PPM1B: variants seen among roughly 807,000 people sequenced by gnomAD.
The protein encoded by PPM1B is protein phosphatase 1B.
A neutral mutation model predicts 43.0 loss-of-function variants in PPM1B; 22 were observed. That is an observed-to-expected ratio of 0.51 (90% CI 0.37 to 0.73). The LOEUF is 0.73. PPM1B is among the 30% of genes least tolerant of loss of function. The pLI is 0.00. For synonymous variants in PPM1B, 217 were observed against 197.9 expected, an observed-to-expected ratio of 1.10 and a Z score of -0.81; for missense variants, 632 against 584.2, an observed-to-expected ratio of 1.08 and a Z score of -0.84.
At chr2:44,176,191 T>G (rs954902754) in intron 1 of PPM1B, among the ~76,000 whole-genome samples, 6 of 152,150 alleles carry the variant, frequency 3.9e-5, no homozygotes, top group Non-Finnish European at 7.4e-5. Context: ...TGTACATCCT[T>G]GGATAGATGA....
At chr2:44,205,352 T>TGG (rs1553333037) in intron 2 of PPM1B, among the ~76,000 whole-genome samples, 1 of 143,206 alleles carries the variant, frequency 7.0e-6, no homozygotes, top group African/African-American at 2.6e-5. Flanking sequence ...GGTGTGGGTG[T>TGG]GGGTGTGTGT....
chr2:44,199,644 A>G (rs1286583869), intron 1 of PPM1B, among the ~76,000 whole-genome samples: 1 of 152,236 alleles, frequency 6.6e-6, no homozygotes, highest in African/African-American at 2.4e-5. Context: ...CAGAGAATTA[A>G]ACCAGCATGT....
intron 1 of PPM1B, among the ~76,000 whole-genome samples, chr2:44,187,675 A>G (rs1307873623): frequency 1.3e-5 from 2 of 152,072 alleles, no homozygotes; most frequent in African/African-American, 4.8e-5. Context: ...TGTTTCTTTG[A>G]TAATTTCATT....
chr2:44,173,033 G>C (rs1175913225), intron 1 of PPM1B, among the ~76,000 whole-genome samples: 1 of 152,218 alleles, frequency 6.6e-6, no homozygotes, highest in Non-Finnish European at 1.5e-5. Flanking sequence ...TAACAAGCGT[G>C]GCCAGGCGTG....
downstream of PPM1B, among the ~76,000 whole-genome samples, chr2:44,245,343 C>T (rs922948217): frequency 2.0e-5 from 3 of 152,130 alleles, no homozygotes; most frequent in Non-Finnish European, 1.5e-5. Context: ...CTTTCAGCAG[C>T]CTCTAGTGTG....
chr2:44,189,948 T>TA (rs373602117), intron 1 of PPM1B, among the ~76,000 whole-genome samples: 24 of 152,326 alleles, frequency 1.6e-4, no homozygotes, highest in African/African-American at 5.8e-4. Flanking sequence ...TGGGAGGGAT[T>TA]AGAGATAAAT....
intron 1 of PPM1B, among the ~76,000 whole-genome samples, chr2:44,191,733 G>A (rs919690688): frequency 3.3e-5 from 5 of 152,020 alleles, no homozygotes; most frequent in Admixed American, 2.6e-4. Context: ...AATTCTCCAG[G>A]AAATTATATG....
chr2:44,210,468 CA>C (rs1245302717), intron 3 of PPM1B, among the ~76,000 whole-genome samples: 10 of 152,286 alleles, frequency 6.6e-5, no homozygotes, highest in African/African-American at 1.7e-4. Context: ...AGTCCTCCCA[CA>C]TTGGCCTACC....
chr2:44,199,585 C>A (rs1243635461), intron 1 of PPM1B, among the ~76,000 whole-genome samples: 1 of 152,102 alleles, frequency 6.6e-6, no homozygotes, highest in African/African-American at 2.4e-5. Context: ...CCTATACAAG[C>A]AAGCATATAA....
chr2:44,183,631 C>T (rs988056172), intron 1 of PPM1B, among the ~76,000 whole-genome samples: 19 of 152,186 alleles, frequency 1.2e-4, no homozygotes, highest in African/African-American at 4.6e-4. Flanking sequence ...TACCAGTGAG[C>T]CCCAGGAGGA....
intron 5 of PPM1B, among the ~76,000 whole-genome samples, chr2:44,219,640 G>A (rs5024498): frequency 0.99 from 151,156 of 152,262 alleles, 75,031 homozygotes; most frequent in Middle Eastern, 1. Flanking sequence ...AGGTTCCTCA[G>A]AGTATTAAGA....
rs766537523 is a variant in PPM1B, at chr2:44,180,009, C to CAA, written c.-15+10753_-15+10754dup. Among the ~76,000 whole-genome samples, 345 of 83,614 alleles carry CAA rather than the reference C, an allele frequency of 4.1e-3. 2 individuals carry two copies. Among genetic ancestry groups the CAA allele is most frequent in the African/African-American group, 0.014 (334 of 23,056 alleles). 54.9% of individuals were successfully genotyped at this position (83,614 alleles called of 152,430 possible). On this transcript the variant is annotated intron_variant, in intron 1 of 5. Transcript: ENST00000282412. ...GGGCAACAAGAGCGAAACTTCGTTCCAAAAAAAAAAAAAAAAAAAGACTTT... is the reference window on the plus strand; with the variant it reads ...GGGCAACAAGAGCGAAACTTCGTTCCAAAAAAAAAAAAAAAAAAAAAGACTTT...
rs145663869 is a variant in PPM1B at position 44,207,953 on chromosome 2, A to G, written c.847-1257A>G. Among the ~76,000 whole-genome samples, 521 of 147,046 alleles carry G rather than the reference A, an allele frequency of 3.5e-3. 2 individuals carry two copies. The highest frequency in any genetic ancestry group is 0.012 in the African/African-American group (481 of 39,652). ...GCCCAGGCTGGAGTACAGTGGTGCAATCTCAGCTCACTGCAACCTCCACCT... is the reference window on the plus strand; with the variant it reads ...GCCCAGGCTGGAGTACAGTGGTGCAGTCTCAGCTCACTGCAACCTCCACCT... On this transcript the variant is annotated intron_variant, in intron 2 of 5. Transcript: ENST00000282412.
chr2:44,202,988 ATAAAG>A (rs1317500190), intron 2 of PPM1B, among the ~76,000 whole-genome samples: 1 of 152,186 alleles, frequency 6.6e-6, no homozygotes, highest in Non-Finnish European at 1.5e-5. Flanking sequence ...CATGAAATAA[ATAAAG>A]GGTTTGACTT....
In PPM1B at chr2:44,231,335, T is replaced by A; in HGVS notation, c.*617T>A. 3.1e-6 allele frequency: 3 copies of A among 979,236 alleles called. No individual in the cohort carries two copies. The highest frequency in any genetic ancestry group is 3.6e-6 in the Non-Finnish European group (3 of 824,334). 60.7% of individuals were successfully genotyped at this position (979,236 alleles called of 1,614,324 possible). A position where few individuals can be genotyped will look rare whatever the true frequency, so the allele number is the denominator to read the frequency against. The stretch of plus-strand genomic sequence containing the variant: ...TATGAAACATAACTTTTGAAAAACC[T>A]ATGTATTATTCATACAGCTTTGGTT... On this transcript the variant is annotated 3_prime_UTR_variant, in exon 6 of 6. Transcript: ENST00000282412.
downstream of PPM1B, among the ~76,000 whole-genome samples, chr2:44,244,723 C>T (rs1291720917): frequency 2.0e-5 from 3 of 149,750 alleles, no homozygotes; most frequent in Admixed American, 6.6e-5. Context: ...TTGTTCTACG[C>T]GAATACAAAT....
chr2:44,177,442 G>C (rs1481639797), intron 1 of PPM1B, among the ~76,000 whole-genome samples: 1 of 126,746 alleles, frequency 7.9e-6, no homozygotes, highest in Non-Finnish European at 1.6e-5. Flanking sequence ...TTTTGAGACG[G>C]AGTTTTGCTC....
chr2:44,193,471 A>G (rs1247735088), intron 1 of PPM1B, among the ~76,000 whole-genome samples: 1 of 152,108 alleles, frequency 6.6e-6, no homozygotes, highest in Non-Finnish European at 1.5e-5. Flanking sequence ...GCCCATCACT[A>G]CAGTCTTGAA....
At position 44,229,924 on chromosome 2, in the gene PPM1B, A is replaced by C. The variant is rs374467014; in HGVS notation, c.1135-489A>C. 4 of 1,337,416 alleles carry C rather than the reference A, an allele frequency of 3.0e-6. No homozygotes were observed. In the East Asian group the frequency reaches 8.0e-5, roughly 27 times the overall value. 82.8% of individuals were successfully genotyped at this position (1,337,416 alleles called of 1,614,324 possible). A position where few individuals can be genotyped will look rare whatever the true frequency, so the allele number is the denominator to read the frequency against. ...GTAAATACAATTTTTATCCGTAAAA[A>C]CTCTAAAATCTTTCAAAAATCTGTT... On this transcript the variant is annotated intron_variant, in intron 5 of 5. Coordinates refer to ENST00000282412, the MANE Select transcript of PPM1B (RefSeq NM_002706.6).
Sources: gnomAD v4.1 joint callset for allele counts (sites outside exome capture counted in the v4.1 genomes callset) on GRCh38, gnomAD v4.1.1 for gene constraint, MANE v1.5 for transcripts, NCBI Gene and HGNC (gene_info 2026-07-23, HGNC 2026-07-21) for gene names.